Variants in BTNL9 observed in about 807,000 individuals in gnomAD.
BTNL9 encodes the protein butyrophilin like 9.
Under a neutral mutation model 45.8 loss-of-function variants are expected in BTNL9, and 45 were observed. The ratio of observed to expected loss-of-function variants is 0.98; its 90% CI spans 0.77 to 1.26. The LOEUF is 1.26. Among genes scored for constraint, BTNL9 ranks in the 50% most tolerant of loss-of-function variants. The pLI is 0.00. For missense variants in BTNL9, 784 were observed against 729.7 expected (o/e 1.07, Z -0.86); for synonymous variants, 346 against 330.8 (o/e 1.05, Z -0.50).
chr5:181,054,306 T>G (rs1438858173), intron 7 of BTNL9, 47 bp downstream of exon 7: 1 of 1,607,146 alleles, frequency 6.2e-7, no homozygotes, highest in Non-Finnish European at 8.5e-7. Context: ...AGCCGGACCC[T>G]GTGCCTGTGC....
chr5:181,053,368 C>A lies in BTNL9; in HGVS notation c.853+52C>A. 1 of 1,514,270 alleles carries A rather than the reference C, an allele frequency of 6.6e-7. No homozygotes were observed. Among genetic ancestry groups the A allele is most frequent in the South Asian group, 1.3e-5 (1 of 78,238 alleles). The allele number at this position is 1,514,270 out of a possible 1,614,324, so 93.8% of individuals were successfully genotyped here. On this transcript the variant is annotated intron_variant, in intron 5 of 10. Coordinates refer to ENST00000327705, the MANE Select transcript of BTNL9 (RefSeq NM_152547.5). The surrounding 1 kb of genome is among the most constrained non-coding windows in gnomAD (Gnocchi z 6.5). ...AGGGGCACCGGCCGGTGCTGAACCC[C>A]GGGGCCGCGGAGGCGCCTCCCCCCA...
chr5:181,041,950 C>A (rs1326195351), intron 1 of BTNL9, among the ~76,000 whole-genome samples: 1 of 152,018 alleles, frequency 6.6e-6, no homozygotes, highest in Non-Finnish European at 1.5e-5. Flanking sequence ...AATAAATTAT[C>A]TAAAAAAATA....
chr5:181,053,446 T>C lies in BTNL9; in HGVS notation c.854-23T>C. ...AGGGGCGGGGGCGCGCACTCAGCCC[T>C]CTCCGCTCCCGTTTCCCTTCAGAAA... is the stretch of plus-strand genomic sequence containing the variant. On this transcript the variant is annotated intron_variant, in intron 5 of 10. Transcript: ENST00000327705. This position sits in a 1 kb window ranked among gnomAD's most constrained non-coding sequence, Gnocchi z 6.5. 5 of 1,559,548 alleles carry C rather than the reference T, an allele frequency of 3.2e-6. No homozygotes were observed. The highest frequency in any genetic ancestry group is 4.3e-6 in the Non-Finnish European group (5 of 1,152,558).
rs1210020074 is a variant in BTNL9 at position 181,050,749 on chromosome 5, A to C, written c.736+380A>C. On this transcript the variant is annotated intron_variant, in intron 4 of 10. Coordinates refer to ENST00000327705, the MANE Select transcript of BTNL9 (RefSeq NM_152547.5). This position sits in a 1 kb window ranked among gnomAD's most constrained non-coding sequence, Gnocchi z 4.9. ...TCAGGTCCCCATGCCAGTGGGGGAT[A>C]CAGACAATAAGCAAAAGAAGTGCAT... is the stretch of plus-strand genomic sequence containing the variant. Among the ~76,000 whole-genome samples the C allele has an allele frequency of 6.6e-6, 1 of 152,220 alleles. No homozygotes were observed. The highest frequency in any genetic ancestry group is 1.5e-5 in the Non-Finnish European group (1 of 68,038).
rs778074141 is a variant in BTNL9 at position 181,055,927 on chromosome 5, T to G, written c.929-62T>G. 1 of 1,599,756 alleles carries G rather than the reference T, an allele frequency of 6.3e-7. No homozygotes were observed. The highest frequency in any genetic ancestry group is 8.6e-7 in the Non-Finnish European group (1 of 1,166,960). ...GACAGGGTGGGTGCAAGATGTGATG[T>G]GTGAGCAGGGAAGCTTGGGGTCCTG... On this transcript the variant is annotated intron_variant, in intron 8 of 10. Coordinates refer to ENST00000327705, the MANE Select transcript of BTNL9 (RefSeq NM_152547.5). The surrounding 1 kb of genome is among the most constrained non-coding windows in gnomAD (Gnocchi z 4.4).
In BTNL9 at chr5:181,040,340, C is replaced by T. The variant is rs1760713619; in HGVS notation, c.-116C>T. 1 of 152,208 alleles carries T rather than the reference C, an allele frequency of 6.6e-6. No individual in the cohort carries two copies. The highest frequency in any genetic ancestry group is 1.5e-5 in the Non-Finnish European group (1 of 68,058). The allele number at this position is 152,208 out of a possible 1,614,324, so 9.4% of individuals were successfully genotyped here. A position where few individuals can be genotyped will look rare whatever the true frequency, so the allele number is the denominator to read the frequency against. ...TCTAGGGAATCTTAGCATCTGGGACCAAGACACTTTACAGCAATCATCACC... is the reference window on the plus strand; with the variant it reads ...TCTAGGGAATCTTAGCATCTGGGACTAAGACACTTTACAGCAATCATCACC... On this transcript the variant is annotated 5_prime_UTR_variant, in exon 1 of 11. Transcript: ENST00000327705.
In BTNL9 at chr5:181,050,348, G is replaced by A. The variant is rs375565716; in HGVS notation, c.715G>A (p.Glu239Lys). 3 of 1,613,926 alleles carry A rather than the reference G, an allele frequency of 1.9e-6. No homozygotes were observed. The highest frequency in any genetic ancestry group is 3.3e-5 in the Admixed American group (2 of 60,006). Residue 239 changes from glutamate (E) to lysine (K), a missense_variant, in exon 4 of 11, where the codon GAG becomes AAG. By Grantham distance (56) the Glu-to-Lys change is moderately conservative. Transcript: ENST00000327705. This position sits in a 1 kb window ranked among gnomAD's most constrained non-coding sequence, Gnocchi z 4.9. ...GAATCTCCTCTTGAGCCAGAAGAAA[G>A]AGTTGGTGGTCCAGATAGCAGGTCA... ...IQNLLLSQKKELVVQIADVFV... is the reference protein window; with the variant it reads ...IQNLLLSQKKKLVVQIADVFV...
chr5:181,053,123 C>A lies in BTNL9; in HGVS notation c.737-77C>A. On this transcript the variant is annotated intron_variant, in intron 4 of 10. Transcript: ENST00000327705. This position sits in a 1 kb window ranked among gnomAD's most constrained non-coding sequence, Gnocchi z 6.5. ...AGGTCCCGCGGGAGGTTTCCCGGCA[C>A]GCGGCGGGCAGGCCGGTCTCGCCTC... 7.8e-7 allele frequency: 1 copy of A among 1,274,398 alleles called. No individual in the cohort carries two copies. The allele number at this position is 1,274,398 out of a possible 1,614,324, so 78.9% of individuals were successfully genotyped here.
chr5:181,043,901 C>T (rs546414572), intron 1 of BTNL9, among the ~76,000 whole-genome samples: 11 of 152,310 alleles, frequency 7.2e-5, no homozygotes, highest in African/African-American at 2.4e-4. Flanking sequence ...GGACCCTGCC[C>T]GAGGCCTCTG....
intron 10 of BTNL9, 114 bp downstream of exon 10, chr5:181,058,492 C>T (rs2113260248): frequency 7.2e-7 from 1 of 1,382,888 alleles, no homozygotes; most frequent in African/African-American, 1.4e-5. Flanking sequence ...AAGTATGGGG[C>T]CTGCACACAC....
rs10434810 is a variant in BTNL9 at position 181,060,144 on chromosome 5, C to A, written c.*282C>A. 0.47 allele frequency: 196,848 copies of A among 418,834 alleles called. 47,316 individuals are homozygous for A. Among genetic ancestry groups the A allele is most frequent in the East Asian group, 0.55 (14,993 of 27,056 alleles). 25.9% of individuals were successfully genotyped at this position (418,834 alleles called of 1,614,324 possible). A position where few individuals can be genotyped will look rare whatever the true frequency, so the allele number is the denominator to read the frequency against. ...TGGGGTGCTCACGGTGGGCGGTGGG[C>A]AAGAAGCCAGCATGGAAGAAAGAAG... On this transcript the variant is annotated 3_prime_UTR_variant, in exon 11 of 11. Coordinates refer to ENST00000327705, the MANE Select transcript of BTNL9 (RefSeq NM_152547.5).
Position 181,041,964 on chromosome 5 carries a change from G to A in BTNL9, c.-24+1532G>A, listed in dbSNP as rs571321892. 7.2e-5 allele frequency among the ~76,000 whole-genome samples: 11 copies of A among 152,230 alleles called. No individual in the cohort carries two copies. In the South Asian group the frequency reaches 2.1e-3, roughly 29 times the overall value. On this transcript the variant is annotated intron_variant, in intron 1 of 10. Transcript: ENST00000327705. ...CAATAAATTATCTAAAAAAATAACAGTAGCAAAGCAAAAAGTACTCATCTT... is the reference window on the plus strand; with the variant it reads ...CAATAAATTATCTAAAAAAATAACAATAGCAAAGCAAAAAGTACTCATCTT...
In BTNL9 at chr5:181,059,590, C is replaced by T; in HGVS notation, c.1336C>T (p.Pro446Ser). ...CGTCGCGCTCACCCTGCGCGTGCCC[C>T]CGCGGCGCCTGGGCGTCTTCCTGGA... ...HRVALTLRVP[P>S]RRLGVFLDYE... Residue 446 changes from proline to serine, a missense_variant, in exon 11 of 11, where the codon CCG becomes TCG. By Grantham distance (74) the Pro-to-Ser change is moderately conservative. Transcript: ENST00000327705. 2 of 1,613,048 alleles carry T rather than the reference C, an allele frequency of 1.2e-6. No homozygotes were observed. The highest frequency in any genetic ancestry group is 8.5e-7 in the Non-Finnish European group (1 of 1,179,878).
In BTNL9 at chr5:181,055,389, AC is replaced by A; in HGVS notation, c.908-41del. 6.2e-7 allele frequency: 1 copy of A among 1,614,026 alleles called. No homozygotes were observed. The highest frequency in any genetic ancestry group is 2.2e-5 in the East Asian group (1 of 44,878). On this transcript the variant is annotated intron_variant, in intron 7 of 10. Coordinates refer to ENST00000327705, the MANE Select transcript of BTNL9 (RefSeq NM_152547.5). This position sits in a 1 kb window ranked among gnomAD's most constrained non-coding sequence, Gnocchi z 4.4. The stretch of plus-strand genomic sequence containing the variant: ...TGGCCTGTCTTGGGAAGATGGTTCC[AC>A]CCACCTGCAGGCTGAAGTTTTCTTT...
At chr5:181,048,658 G>T (rs1761325072) in intron 3 of BTNL9, among the ~76,000 whole-genome samples, 1 of 149,948 alleles carries the variant, frequency 6.7e-6, no homozygotes, top group South Asian at 2.1e-4. Context: ...GGATCTGGCT[G>T]CAGTGAGCTT....
At chr5:181,051,386 A>T (rs1181695219) in intron 4 of BTNL9, among the ~76,000 whole-genome samples, 1 of 152,204 alleles carries the variant, frequency 6.6e-6, no homozygotes. Flanking sequence ...TCCCCCTTTG[A>T]TATAGTCAGT....
Position 181,050,029 on chromosome 5 carries a change from T to A in BTNL9, c.455-59T>A. ...TGCAAATGCTGAACAGTGGCAGGAA[T>A]GTTATGCGTGATTTCTCAGAAGAAG... On this transcript the variant is annotated intron_variant, in intron 3 of 10. Transcript: ENST00000327705. The surrounding 1 kb of genome is among the most constrained non-coding windows in gnomAD (Gnocchi z 4.9). The A allele has an allele frequency of 2.6e-6, 4 of 1,554,540 alleles. No individual in the cohort carries two copies. Among genetic ancestry groups the A allele is most frequent in the Non-Finnish European group, 3.5e-6 (4 of 1,145,996 alleles).
chr5:181,057,987 C>G (rs1761968937), intron 9 of BTNL9, among the ~76,000 whole-genome samples: 1 of 152,192 alleles, frequency 6.6e-6, no homozygotes, highest in South Asian at 2.1e-4. Flanking sequence ...ACCCGTCAGG[C>G]TCAGCTGGGC....
chr5:181,056,698 G>A (rs1761902289), intron 9 of BTNL9: 3 of 699,350 alleles, frequency 4.3e-6, no homozygotes, highest in Non-Finnish European at 8.0e-6. Context: ...GGCCCATGGT[G>A]GGTATGTCCA....
Sources: gnomAD v4.1 joint callset for allele counts (sites outside exome capture counted in the v4.1 genomes callset) on GRCh38, gnomAD v4.1.1 for gene constraint, Gnocchi (gnomAD v3.1) non-coding constraint, MANE v1.5 for transcripts, NCBI Gene and HGNC (gene_info 2026-07-23, HGNC 2026-07-21) for gene names.